The following CDC34 variants were observed in gnomAD, a reference collection of about 807,000 sequenced individuals.
CDC34 encodes the protein cell division cycle 34, ubiquitin conjugating enzyme, also known as ubiquitin-conjugating enzyme E2 R1.
A neutral mutation model predicts 26.8 loss-of-function variants in CDC34; 18 were observed. That is an observed-to-expected ratio of 0.67 (90% CI 0.47 to 1.00). The LOEUF (loss-of-function observed/expected upper bound fraction) is 1.00, where lower values mean the gene tolerates loss of function less well. CDC34 is among the 50% of genes least tolerant of loss of function. CDC34 has a pLI of 0.00. For missense variants in CDC34, 280 were observed against 334.5 expected (o/e 0.84, Z 1.27); for synonymous variants, 178 against 147.5 (o/e 1.21, Z -1.50).
chr19:533,899 C>T (rs1979608694), intron 1 of CDC34, among the ~76,000 whole-genome samples: 1 of 152,200 alleles, frequency 6.6e-6, no homozygotes, highest in Non-Finnish European at 1.5e-5. Flanking sequence ...GCTGAGTGCC[C>T]AGGGCCGCTG....
Position 541,453 on chromosome 19 carries a change from C to A in CDC34, c.612C>A (p.Asp204Glu). The change falls in exon 5 of 5, where the codon GAC becomes GAA. Residue 204 changes from aspartate to glutamate, a missense_variant. Coordinates refer to ENST00000215574, the MANE Select transcript of CDC34 (RefSeq NM_004359.2). ...TKAPAPDEGS[D>E]LFYDDYYEDG... is the part of the protein sequence containing the mutation. Reference sequence around the variant, plus strand: ...CGCCGGCGCCCGACGAGGGCTCAGACCTCTTCTACGACGACTACTACGAGG... The same window carrying A: ...CGCCGGCGCCCGACGAGGGCTCAGAACTCTTCTACGACGACTACTACGAGG... 1 of 1,612,898 alleles carries A rather than the reference C, an allele frequency of 6.2e-7. No individual in the cohort carries two copies.
At chr19:536,154 G>GTCCTCCACGTCCTCA in intron 2 of CDC34, 89 bp from the exon 3 acceptor site, 1 of 1,112,414 alleles carries the variant, frequency 9.0e-7, no homozygotes, top group African/African-American at 1.6e-5. Context: ...TCACGTCCTC[G>GTCCTCCACGTCCTCA]TCCTCCACGT....
At chr19:537,497 C>T (rs1407045163) in intron 4 of CDC34, among the ~76,000 whole-genome samples, 2 of 151,906 alleles carry the variant, frequency 1.3e-5, no homozygotes, top group Non-Finnish European at 2.9e-5. Flanking sequence ...GGACTACAGG[C>T]GCCCGTCACC....
Position 532,995 on chromosome 19 carries a change from C to T in CDC34, c.177+887C>T, listed in dbSNP as rs986034829. ...CTGGGCCGTTTCTTCTGCCCTCTGG[C>T]GGTTTAATTCCAAGCAGTTTCTGGA... On this transcript the variant is annotated intron_variant, in intron 1 of 4. Transcript: ENST00000215574. Among the ~76,000 whole-genome samples, 10 of 152,254 alleles carry T rather than the reference C, an allele frequency of 6.6e-5. 1 individual carries two copies. The highest frequency in any genetic ancestry group is 4.6e-4 in the Admixed American group (7 of 15,306).
chr19:535,528 C>G (rs11881685), intron 1 of CDC34, among the ~76,000 whole-genome samples: 3,575 of 152,342 alleles, frequency 0.023, 125 homozygotes, highest in African/African-American at 0.076. Flanking sequence ...CTGACCTGGG[C>G]TGCCACGGGC....
At chr19:535,695 C>T (rs985951758) in intron 1 of CDC34, 142 bp from the exon 2 acceptor site, 1 of 725,182 alleles carries the variant, frequency 1.4e-6, no homozygotes, top group South Asian at 1.6e-5. Context: ...CTGTGAGAGT[C>T]CCTGCCTTGG....
intron 1 of CDC34, among the ~76,000 whole-genome samples, chr19:532,827 C>G (rs1323660756): frequency 6.6e-6 from 1 of 152,178 alleles, no homozygotes; most frequent in African/African-American, 2.4e-5. Context: ...CACCTGCTCC[C>G]TGCAGCTCTC....
intron 4 of CDC34, 105 bp from the exon 5 acceptor site, chr19:541,234 G>A (rs1468019714): frequency 3.6e-6 from 5 of 1,399,710 alleles, no homozygotes; most frequent in African/African-American, 1.5e-5. Context: ...GCCGTTTTAA[G>A]AGAAACCTGA....
At position 541,675 on chromosome 19, in the gene CDC34, C is replaced by T. The variant is rs975605489; in HGVS notation, c.*123C>T. The T allele has an allele frequency of 3.2e-5, 36 of 1,138,218 alleles. No individual in the cohort carries two copies. Among genetic ancestry groups the T allele is most frequent in the Non-Finnish European group, 4.0e-5 (33 of 830,044 alleles). The allele number at this position is 1,138,218 out of a possible 1,614,324, so 70.5% of individuals were successfully genotyped here. A position where few individuals can be genotyped will look rare whatever the true frequency, so the allele number is the denominator to read the frequency against. On this transcript the variant is annotated 3_prime_UTR_variant, in exon 5 of 5. Transcript: ENST00000215574. ...GTCTCCTCTGGTTGTTTCGTTTTGGCTTTTTCTCCCTCCCCATGTCTGTTC... is the reference window on the plus strand; with the variant it reads ...GTCTCCTCTGGTTGTTTCGTTTTGGTTTTTTCTCCCTCCCCATGTCTGTTC...
At position 534,493 on chromosome 19, in the gene CDC34, C is replaced by A. The variant is rs1296955144; in HGVS notation, c.178-1344C>A. Among the ~76,000 whole-genome samples, 3 of 126,700 alleles carry A rather than the reference C, an allele frequency of 2.4e-5. 1 individual carries two copies. The highest frequency in any genetic ancestry group is 9.3e-5 in the African/African-American group (3 of 32,138). The allele number at this position is 126,700 out of a possible 152,430, so 83.1% of individuals were successfully genotyped here. A position where few individuals can be genotyped will look rare whatever the true frequency, so the allele number is the denominator to read the frequency against. ...TCCCTGTCCAGACCTCACCCACGAT[C>A]CAAGACCCCCTGAGTGCCCTCCCTG... On this transcript the variant is annotated intron_variant, in intron 1 of 4. Transcript: ENST00000215574.
At chr19:534,357 A>C (rs1407555253) in intron 1 of CDC34, among the ~76,000 whole-genome samples, 2 of 146,198 alleles carry the variant, frequency 1.4e-5, no homozygotes, top group Non-Finnish European at 3.0e-5. Flanking sequence ...CCACGATCCA[A>C]GACCCCCAAA....
chr19:532,767 G>A (rs1020600655), intron 1 of CDC34, among the ~76,000 whole-genome samples: 3 of 152,218 alleles, frequency 2.0e-5, no homozygotes, highest in Non-Finnish European at 4.4e-5. Context: ...TCCATCCCCT[G>A]CTTTATGTAA....
chr19:536,432 C>G, intron 3 of CDC34, 92 bp downstream of exon 3: 1 of 1,037,524 alleles, frequency 9.6e-7, no homozygotes, highest in Non-Finnish European at 1.4e-6. Flanking sequence ...AGGCCGGGCT[C>G]CCCCACAGGC....
At chr19:540,743 G>GCT (rs1979969237) in intron 4 of CDC34, among the ~76,000 whole-genome samples, 3 of 25,578 alleles carry the variant, frequency 1.2e-4, no homozygotes, top group Non-Finnish European at 2.8e-4. Context: ...TTTAGAATCC[G>GCT]GAGGCTGGGA....
intron 1 of CDC34, among the ~76,000 whole-genome samples, chr19:533,324 C>T (rs1439513777): frequency 1.3e-5 from 2 of 152,140 alleles, no homozygotes; most frequent in African/African-American, 2.4e-5. Flanking sequence ...GGCGTGGGGC[C>T]GAGGGACCGA....
intron 1 of CDC34, among the ~76,000 whole-genome samples, chr19:533,514 TCGAGGTTG>T (rs1979593459): frequency 6.6e-6 from 1 of 152,242 alleles, no homozygotes; most frequent in African/African-American, 2.4e-5. Flanking sequence ...AGTTTGGGTC[TCGAGGTTG>T]CCAAATGGTT....
intron 4 of CDC34, chr19:539,050 A>G (rs1173905903): frequency 3.1e-6 from 3 of 970,176 alleles, no homozygotes; most frequent in Non-Finnish European, 3.7e-6. Context: ...CCTGTGGGCC[A>G]ACACACATGT....
chr19:533,524 C>A (rs1192408604), intron 1 of CDC34, among the ~76,000 whole-genome samples: 1 of 152,236 alleles, frequency 6.6e-6, no homozygotes, highest in Non-Finnish European at 1.5e-5. Context: ...TCGAGGTTGC[C>A]AAATGGTTTT....
intron 4 of CDC34, among the ~76,000 whole-genome samples, chr19:537,543 G>A (rs1158247105): frequency 3.9e-5 from 6 of 151,920 alleles, no homozygotes; most frequent in Non-Finnish European, 5.9e-5. Flanking sequence ...TAGTAGAGAC[G>A]GGGTTTCAGC....
Sources: allele counts gnomAD v4.1 joint callset (sites outside exome capture counted in the v4.1 genomes callset), GRCh38; gene constraint gnomAD v4.1.1; transcripts MANE v1.5; gene names NCBI Gene and HGNC (gene_info 2026-07-23, HGNC 2026-07-21).